The following PCDHA2 variants were observed in gnomAD, a reference collection of about 807,000 sequenced individuals.
PCDHA2 encodes the protein protocadherin alpha-2.
A neutral mutation model predicts 66.0 loss-of-function variants in PCDHA2; 58 were observed. The ratio of observed to expected loss-of-function variants is 0.88; its 90% confidence interval spans 0.71 to 1.09. The LOEUF (loss-of-function observed/expected upper bound fraction) is 1.09, where lower values mean the gene tolerates loss of function less well. PCDHA2 is among the 50% of genes least tolerant of loss of function. The probability of loss-of-function intolerance (pLI) is 0.00; values close to 1 mark genes in which losing one functional copy is unlikely to be tolerated. For synonymous variants in PCDHA2, 634 were observed against 554.0 expected, an observed-to-expected ratio of 1.14 and a Z score of -2.03; for missense variants, 1,267 against 1,242.3, an observed-to-expected ratio of 1.02 and a Z score of -0.30.
Position 140,795,073 on chromosome 5 carries a change from G to T in PCDHA2, c.109G>T (p.Glu37Ter), listed in dbSNP as rs782489216. 6.2e-7 allele frequency: 1 copy of T among 1,613,978 alleles called. No individual in the cohort carries two copies. Among genetic ancestry groups the T allele is most frequent in the Non-Finnish European group, 8.5e-7 (1 of 1,180,046 alleles). Residue 37 changes from glutamate to a stop codon, truncating the protein, a stop_gained, in exon 1 of 4, where the codon GAG (glutamate) becomes TAG (stop). Transcript: ENST00000526136. LOFTEE classifies it high-confidence loss of function. ...CGGCCAGCTCCGCTACTCCGTCCCC[G>T]AGGAGGCCAAACACGGCACCTTCGT... ...GSGQLRYSVP[E>*]EAKHGTFVGR...
chr5:140,857,017 T>C (rs1432761936), intron 1 of PCDHA2: 1 of 1,596,216 alleles, frequency 6.3e-7, no homozygotes, highest in African/African-American at 1.3e-5. Flanking sequence ...ATGTTACAGA[T>C]AAGGGAAACC....
chr5:140,855,249 C>A (rs910025262), intron 1 of PCDHA2, among the ~76,000 whole-genome samples: 1 of 149,670 alleles, frequency 6.7e-6, no homozygotes, highest in African/African-American at 2.4e-5. Flanking sequence ...ATTGCAAGCA[C>A]TTACTATATT....
chr5:140,815,901 T>C (rs1487554416), intron 1 of PCDHA2: 1 of 152,170 alleles, frequency 6.6e-6, no homozygotes, highest in Non-Finnish European at 1.5e-5. Context: ...CAGTATAACA[T>C]CTCACCCCTT....
At position 140,843,778 on chromosome 5, in the gene PCDHA2, G is replaced by C. The variant is rs2150366653; in HGVS notation, c.2388+46426G>C. 3.5e-6 allele frequency: 5 copies of C among 1,441,518 alleles called. No individual in the cohort carries two copies. The East Asian group carries it at 1.1e-4, about 33-fold the overall frequency. The allele number at this position is 1,441,518 out of a possible 1,614,324, so 89.3% of individuals were successfully genotyped here. A position where few individuals can be genotyped will look rare whatever the true frequency, so the allele number is the denominator to read the frequency against. On this transcript the variant is annotated intron_variant, in intron 1 of 3. Transcript: ENST00000526136. ...TGTGGAAATTGTAGTTACTTTAAAA[G>C]TGTTTCAGATTTAGTTTTTCACCGT...
intron 1 of PCDHA2, among the ~76,000 whole-genome samples, chr5:140,818,846 A>G (rs2150102487): frequency 3.3e-5 from 5 of 152,190 alleles, no homozygotes; most frequent in Non-Finnish European, 5.9e-5. Context: ...GTATAGAATC[A>G]ACTATAGGTA....
intron 1 of PCDHA2, chr5:140,822,035 C>T (rs2150113040): frequency 6.2e-7 from 1 of 1,614,202 alleles, no homozygotes; most frequent in South Asian, 1.1e-5. Context: ...TTTGTGAATT[C>T]TCGGATCGAC....
chr5:140,999,995 A>G (rs1174530266), intron 3 of PCDHA2, among the ~76,000 whole-genome samples: 1 of 152,068 alleles, frequency 6.6e-6, no homozygotes, highest in Non-Finnish European at 1.5e-5. Flanking sequence ...GGGTAGTGGT[A>G]TTAGATTGGC....
intron 1 of PCDHA2, among the ~76,000 whole-genome samples, chr5:140,951,214 T>C (rs994639576): frequency 1.3e-5 from 2 of 152,218 alleles, no homozygotes; most frequent in African/African-American, 2.4e-5. Context: ...ATCTCAGGTT[T>C]GGATTCTTGA....
At position 140,836,615 on chromosome 5, in the gene PCDHA2, G is replaced by A. The variant is rs2150265724; in HGVS notation, c.2388+39263G>A. On this transcript the variant is annotated intron_variant, in intron 1 of 3. Coordinates refer to ENST00000526136, the MANE Select transcript of PCDHA2 (RefSeq NM_018905.3). Reference sequence around the variant, plus strand: ...AGCCCACTCTGGTGTGCTCCAGCGCGGTGGGGAGCTGGTCATTCTCCCAGC... The same window carrying A: ...AGCCCACTCTGGTGTGCTCCAGCGCAGTGGGGAGCTGGTCATTCTCCCAGC... 925 of 1,613,634 alleles carry A rather than the reference G, an allele frequency of 5.7e-4. 10 individuals carry two copies. The African/African-American group carries it at 0.011, about 19-fold the overall frequency.
chr5:140,827,089 C>T (rs1421752158), intron 1 of PCDHA2, among the ~76,000 whole-genome samples: 1 of 152,092 alleles, frequency 6.6e-6, no homozygotes, highest in Non-Finnish European at 1.5e-5. Context: ...AAACTATTTT[C>T]TAGGAGTCAG....
intron 1 of PCDHA2, chr5:140,836,749 A>G (rs2150269159): frequency 6.3e-7 from 1 of 1,585,374 alleles, no homozygotes; most frequent in Middle Eastern, 1.7e-4. Context: ...GTGAGTCATA[A>G]ATAATCTTGT....
intron 1 of PCDHA2, among the ~76,000 whole-genome samples, chr5:140,941,231 C>CTTTCTTTCTTTCTTTCTT (rs2092927472): frequency 2.2e-5 from 3 of 136,876 alleles, no homozygotes; most frequent in African/African-American, 8.3e-5. Context: ...TTCTTTCTTT[C>CTTTCTTTCTTTCTTTCTT]TTTCTTTCTT....
At chr5:141,007,019 A>G (rs1230035062) in intron 3 of PCDHA2, among the ~76,000 whole-genome samples, 1 of 152,192 alleles carries the variant, frequency 6.6e-6, no homozygotes, top group African/African-American at 2.4e-5. Flanking sequence ...CAGCTTATTC[A>G]TATGGTATTT....
chr5:140,926,539 G>A (rs910445315), intron 1 of PCDHA2: 2 of 216,944 alleles, frequency 9.2e-6, no homozygotes, highest in Non-Finnish European at 1.8e-5. Flanking sequence ...AGCCAGCGTG[G>A]TGGTCGAGAC....
chr5:140,895,523 C>T (rs2065044928), intron 1 of PCDHA2, among the ~76,000 whole-genome samples: 1 of 152,068 alleles, frequency 6.6e-6, no homozygotes, highest in South Asian at 2.1e-4. Flanking sequence ...TTGGTTTATT[C>T]GTTTTTCAAT....
intron 1 of PCDHA2, chr5:140,830,680 T>C (rs2150188813): frequency 4.9e-5 from 17 of 346,496 alleles, no homozygotes; most frequent in African/African-American, 3.6e-4. Context: ...TAGAAATCAC[T>C]GTCCACAATC....
At chr5:140,927,816 A>G in intron 1 of PCDHA2, 2 of 1,614,198 alleles carry the variant, frequency 1.2e-6, no homozygotes, top group Non-Finnish European at 1.7e-6. Flanking sequence ...TCTTGGAGGC[A>G]TACATTGAGG....
In PCDHA2 at chr5:140,883,030, C is replaced by G. The variant is rs1554176556; in HGVS notation, c.2388+85678C>G. ...TTTATAAAGTGACGGTGTTAGAGAA[C>G]GCCTTCAATGGAACATTAGTGATCA... On this transcript the variant is annotated intron_variant, in intron 1 of 3. Coordinates refer to ENST00000526136, the MANE Select transcript of PCDHA2 (RefSeq NM_018905.3). 1 of 1,613,940 alleles carries G rather than the reference C, an allele frequency of 6.2e-7. No individual in the cohort carries two copies. Among genetic ancestry groups the G allele is most frequent in the Non-Finnish European group, 8.5e-7 (1 of 1,180,036 alleles).
rs533295201 is a variant in PCDHA2, at chr5:140,795,986, T to G, written c.1022T>G (p.Val341Gly). 5 of 1,614,164 alleles carry G rather than the reference T, an allele frequency of 3.1e-6. No individual in the cohort carries two copies. The African/African-American group carries it at 6.7e-5, about 22-fold the overall frequency. The change falls in exon 1 of 4, where the codon GTG becomes GGG. Residue 341 changes from valine (V) to glycine (G), a missense_variant. Coordinates refer to ENST00000526136, the MANE Select transcript of PCDHA2 (RefSeq NM_018905.3). ...CATTGTAAAATTTCATTAAAACTTG[T>G]GGACATCAATGATAACACACCAGAA... ...SGHCKISLKLVDINDNTPEVS... is the reference protein window; with the variant it reads ...SGHCKISLKLGDINDNTPEVS...
Sources: gnomAD v4.1 joint callset for allele counts (sites outside exome capture counted in the v4.1 genomes callset) on GRCh38, gnomAD v4.1.1 for gene constraint, MANE v1.5 for transcripts, NCBI Gene and HGNC (gene_info 2026-07-23, HGNC 2026-07-21) for gene names.